The following STXBP5L variants were observed in gnomAD, a reference collection of about 807,000 sequenced individuals.
The protein encoded by STXBP5L is syntaxin-binding protein 5-like.
In STXBP5L, 65 loss-of-function variants were observed where a neutral mutation model predicts 144.5. The ratio of observed to expected loss-of-function variants is 0.45; its 90% CI spans 0.37 to 0.55. The LOEUF (loss-of-function observed/expected upper bound fraction) is 0.55. Among genes scored for constraint, STXBP5L ranks in the 20% least tolerant of loss-of-function variants. STXBP5L has a pLI of 0.00. For missense variants in STXBP5L, 1,298 were observed against 1,405.5 expected (o/e 0.92, Z 1.22); for synonymous variants, 505 against 469.6 (o/e 1.08, Z -0.97).
rs530015832 is a variant in STXBP5L at position 121,115,089 on chromosome 3, G to T, written c.605+30G>T. Reference sequence around the variant, plus strand: ...GTTTGAACTTGGATATCACTTTATTGGCTTAAATACTTCATACAGTTATGT... The same window carrying T: ...GTTTGAACTTGGATATCACTTTATTTGCTTAAATACTTCATACAGTTATGT... On this transcript the variant is annotated intron_variant, in intron 6 of 26. Coordinates refer to ENST00000471454, the MANE Select transcript of STXBP5L (RefSeq NM_001308330.2). 7 of 1,589,768 alleles carry T rather than the reference G, an allele frequency of 4.4e-6. No homozygotes were observed. The South Asian group carries it at 8.2e-5, about 19-fold the overall frequency.
intron 20 of STXBP5L, among the ~76,000 whole-genome samples, chr3:121,335,897 A>C (rs1166815181): frequency 6.6e-6 from 1 of 152,224 alleles, no homozygotes. Flanking sequence ...AGCAATCACA[A>C]CAAAGGCAAA....
At chr3:121,282,448 C>T (rs2051093215) in intron 19 of STXBP5L, 1 of 975,220 alleles carries the variant, frequency 1.0e-6, no homozygotes, top group Non-Finnish European at 1.5e-6. Context: ...AGCATGCATG[C>T]AAATTTTTGT....
At chr3:121,092,030 G>A (rs1427279184) in intron 5 of STXBP5L, among the ~76,000 whole-genome samples, 1 of 151,952 alleles carries the variant, frequency 6.6e-6, no homozygotes. Context: ...TATTAAATAG[G>A]GAATACTTTC....
chr3:121,223,262 C>T (rs1037738532), intron 11 of STXBP5L, 105 bp downstream of exon 11: 20 of 1,165,052 alleles, frequency 1.7e-5, no homozygotes, highest in Non-Finnish European at 1.8e-5. Context: ...TGTGGTATAA[C>T]GCTGTGAGCT....
chr3:121,041,909 T>A (rs1391611846), intron 4 of STXBP5L, 128 bp downstream of exon 4: 5 of 611,956 alleles, frequency 8.2e-6, no homozygotes, highest in Non-Finnish European at 1.4e-5. Context: ...TACTTCTGAT[T>A]ATATTTTTCA....
chr3:121,348,790 G>A (rs1255619175), intron 20 of STXBP5L, among the ~76,000 whole-genome samples: 1 of 152,044 alleles, frequency 6.6e-6, no homozygotes, highest in Non-Finnish European at 1.5e-5. Flanking sequence ...ACTTCTGTGG[G>A]ATCGGCGGTG....
At chr3:121,115,877 C>G (rs2044211700) in intron 6 of STXBP5L, among the ~76,000 whole-genome samples, 1 of 152,044 alleles carries the variant, frequency 6.6e-6, no homozygotes, top group Admixed American at 6.6e-5. Flanking sequence ...ACAACAAGAT[C>G]TCACGAGAAT....
chr3:120,915,936 G>T (rs1576412205), intron 2 of STXBP5L, among the ~76,000 whole-genome samples: 1 of 152,144 alleles, frequency 6.6e-6, no homozygotes, highest in Non-Finnish European at 1.5e-5. Flanking sequence ...CTGAATGAAT[G>T]CAGCAAGAAG....
chr3:121,006,179 G>T (rs1576638414), intron 3 of STXBP5L, among the ~76,000 whole-genome samples: 1 of 152,112 alleles, frequency 6.6e-6, no homozygotes, highest in African/African-American at 2.4e-5. Context: ...ATTTTTGTGT[G>T]GGAGTCTAAG....
intron 12 of STXBP5L, 73 bp from the exon 13 acceptor site, chr3:121,238,898 G>A: frequency 2.2e-6 from 3 of 1,370,464 alleles, no homozygotes; most frequent in Non-Finnish European, 2.9e-6. Flanking sequence ...ACATTTTAGG[G>A]CTTACTTTAT....
intron 10 of STXBP5L, among the ~76,000 whole-genome samples, chr3:121,215,293 A>G (rs2048734644): frequency 6.6e-6 from 1 of 152,148 alleles, no homozygotes; most frequent in Non-Finnish European, 1.5e-5. Context: ...GTTTCTTCAT[A>G]GTGTCTATGG....
At chr3:120,979,467 A>C (rs1468875603) in intron 3 of STXBP5L, among the ~76,000 whole-genome samples, 1 of 152,130 alleles carries the variant, frequency 6.6e-6, no homozygotes, top group Non-Finnish European at 1.5e-5. Context: ...TTCTTTGACT[A>C]GGAAAGGGAA....
chr3:121,366,845 C>T (rs562911891), intron 20 of STXBP5L, among the ~76,000 whole-genome samples: 18 of 151,982 alleles, frequency 1.2e-4, no homozygotes, highest in Non-Finnish European at 2.4e-4. Context: ...TGTGTGTGGT[C>T]TTGTGTGTGT....
At chr3:120,980,459 GC>G (rs1239291324) in intron 3 of STXBP5L, among the ~76,000 whole-genome samples, 3 of 106,332 alleles carry the variant, frequency 2.8e-5, no homozygotes, top group Admixed American at 1.1e-4. Flanking sequence ...ATAATGTCCT[GC>G]TTTTTTTTTT....
chr3:120,980,012 C>T (rs565953407), intron 3 of STXBP5L, among the ~76,000 whole-genome samples: 7 of 152,258 alleles, frequency 4.6e-5, no homozygotes, highest in African/African-American at 1.4e-4. Flanking sequence ...TGTTCAATTT[C>T]CACATATTTG....
At position 120,925,681 on chromosome 3, in the gene STXBP5L, T is replaced by C. The variant is rs761266689; in HGVS notation, c.189+15914T>C. Among the ~76,000 whole-genome samples, 159 of 152,222 alleles carry C rather than the reference T, an allele frequency of 1.0e-3. 2 individuals are homozygous for C. Among genetic ancestry groups the C allele is most frequent in the Non-Finnish European group, 2.2e-4 (15 of 68,028 alleles). On this transcript the variant is annotated intron_variant, in intron 2 of 26. Transcript: ENST00000471454. ...GTAAGGATTTACTACTGCCATACTA[T>C]TGCATGTTTTCTGGTTCTTTTGTAA...
At chr3:121,230,970 C>T (rs1046607392) in intron 11 of STXBP5L, among the ~76,000 whole-genome samples, 5 of 152,150 alleles carry the variant, frequency 3.3e-5, no homozygotes, top group African/African-American at 9.7e-5. Context: ...CTCTTTTCTA[C>T]ATTAGATTAC....
chr3:121,386,371 C>A (rs142887092), intron 22 of STXBP5L, among the ~76,000 whole-genome samples: 2 of 152,226 alleles, frequency 1.3e-5, no homozygotes, highest in East Asian at 3.9e-4. Context: ...GCTGCATTCA[C>A]ATTGCTGCAA....
intron 3 of STXBP5L, among the ~76,000 whole-genome samples, chr3:120,998,813 C>CAGTG (rs1236683426): frequency 6.6e-6 from 1 of 152,062 alleles, no homozygotes; most frequent in African/African-American, 2.4e-5. Flanking sequence ...CTAACCTGGG[C>CAGTG]AGTGGAAGAT....
Sources: gnomAD v4.1 joint callset for allele counts (sites outside exome capture counted in the v4.1 genomes callset) on GRCh38, gnomAD v4.1.1 for gene constraint, MANE v1.5 for transcripts, NCBI Gene and HGNC (gene_info 2026-07-23, HGNC 2026-07-21) for gene names.